The following ZNF33A variants were observed in gnomAD, a reference collection of about 807,000 sequenced individuals.
The protein encoded by ZNF33A is zinc finger protein 33A.
In ZNF33A, 9 loss-of-function variants were observed where a neutral mutation model predicts 15.9. That is an observed-to-expected ratio of 0.57 (90% confidence interval 0.34 to 0.99). The LOEUF is 0.99. Among genes scored for constraint, ZNF33A ranks in the 50% least tolerant of loss-of-function variants. The pLI, the probability that ZNF33A is intolerant of heterozygous loss-of-function variation, is 0.02. For missense variants in ZNF33A, 843 were observed against 941.6 expected (o/e 0.90, Z 1.37); for synonymous variants, 294 against 324.2 (o/e 0.91, Z 1.00).
chr10:38,012,495 C>G, intron 2 of ZNF33A, 145 bp downstream of exon 2: 2 of 994,448 alleles, frequency 2.0e-6, no homozygotes, highest in Non-Finnish European at 2.9e-6. Context: ...ACAATGTCCC[C>G]ATCTCGGTTC....
In ZNF33A at chr10:38,040,756, T is replaced by C. The variant is rs190677990; in HGVS notation, c.251-13619T>C. Among the ~76,000 whole-genome samples the C allele has an allele frequency of 2.9e-3, 435 of 152,316 alleles. 1 individual carries two copies. The highest frequency in any genetic ancestry group is 4.7e-3 in the Non-Finnish European group (320 of 68,016). Reference sequence around the variant, plus strand: ...CAACCTGAGAATTGTTGCTTTTTGATTGGATTTTCAAATCATTCCCTTTTT... The same window carrying C: ...CAACCTGAGAATTGTTGCTTTTTGACTGGATTTTCAAATCATTCCCTTTTT... On this transcript the variant is annotated intron_variant, in intron 4 of 4. Transcript: ENST00000432900.
chr10:38,024,163 C>CCAAAA (rs1554902706), intron 4 of ZNF33A, among the ~76,000 whole-genome samples: 1 of 93,218 alleles, frequency 1.1e-5, no homozygotes. Flanking sequence ...AAAAACAAAA[C>CCAAAA]AAAAAAAAAA....
At chr10:38,051,813 G>A (rs2066220881) in intron 4 of ZNF33A, among the ~76,000 whole-genome samples, 1 of 151,130 alleles carries the variant, frequency 6.6e-6, no homozygotes, top group East Asian at 1.9e-4. Flanking sequence ...TTTTGCACTG[G>A]CCCCATCAAT....
intron 2 of ZNF33A, among the ~76,000 whole-genome samples, chr10:38,013,404 C>T (rs1469835090): frequency 2.6e-5 from 4 of 151,612 alleles, no homozygotes; most frequent in Non-Finnish European, 4.4e-5. Context: ...CCACTGCACC[C>T]AGCCGGTAAA....
intron 4 of ZNF33A, among the ~76,000 whole-genome samples, chr10:38,034,464 T>C (rs1263598247): frequency 6.6e-6 from 1 of 152,192 alleles, no homozygotes; most frequent in East Asian, 1.9e-4. Flanking sequence ...ACTGGGATTA[T>C]AGGTTTTGGG....
At chr10:38,018,006 A>G (rs780760916) in intron 4 of ZNF33A, among the ~76,000 whole-genome samples, 3 of 152,198 alleles carry the variant, frequency 2.0e-5, no homozygotes, top group Non-Finnish European at 2.9e-5. Context: ...AGGCAGGAGA[A>G]TCACTTGAAC....
chr10:38,033,351 G>T (rs1166520479), intron 4 of ZNF33A, among the ~76,000 whole-genome samples: 1 of 152,158 alleles, frequency 6.6e-6, no homozygotes, highest in African/African-American at 2.4e-5. Context: ...GTATCCATTT[G>T]TCAGTGGATG....
chr10:38,044,543 C>T (rs1037223484), intron 4 of ZNF33A, among the ~76,000 whole-genome samples: 1 of 152,046 alleles, frequency 6.6e-6, no homozygotes, highest in African/African-American at 2.4e-5. Flanking sequence ...GTGAGTTTTC[C>T]ATTGCAGTTA....
chr10:38,017,773 T>G (rs1359985822), intron 4 of ZNF33A: 1 of 177,376 alleles, frequency 5.6e-6, no homozygotes, highest in Non-Finnish European at 1.2e-5. Flanking sequence ...GCAAATAATG[T>G]TTGCATACTT....
chr10:38,027,769 A>G (rs1192807975), intron 4 of ZNF33A, among the ~76,000 whole-genome samples: 1 of 152,140 alleles, frequency 6.6e-6, no homozygotes, highest in Non-Finnish European at 1.5e-5. Flanking sequence ...TATCTTATTG[A>G]TGGAACGACC....
intron 4 of ZNF33A, among the ~76,000 whole-genome samples, chr10:38,045,347 T>C (rs1483450256): frequency 6.6e-6 from 1 of 152,192 alleles, no homozygotes; most frequent in Non-Finnish European, 1.5e-5. Flanking sequence ...CTTTCTGTGA[T>C]TGCTGTGTTA....
intron 4 of ZNF33A, among the ~76,000 whole-genome samples, chr10:38,039,118 G>GT (rs1390944523): frequency 6.6e-6 from 1 of 150,888 alleles, no homozygotes; most frequent in Non-Finnish European, 1.5e-5. Flanking sequence ...TTTTCTTGGA[G>GT]TTTTTGAGTA....
chr10:38,056,718 G>A lies in ZNF33A; in HGVS notation c.*158G>A, dbSNP rs1477337126. The stretch of plus-strand genomic sequence containing the variant: ...CACCTTACAGATTTTTTTTGAATTT[G>A]TGAAAGTTTTTGGCAAAAATGCAAA... On this transcript the variant is annotated 3_prime_UTR_variant, in exon 5 of 5. Transcript: ENST00000432900. The A allele has an allele frequency of 7.2e-6, 9 of 1,250,034 alleles. No homozygotes were observed. Among genetic ancestry groups the A allele is most frequent in the African/African-American group, 3.1e-5 (2 of 64,642 alleles). The allele number at this position is 1,250,034 out of a possible 1,614,324, so 77.4% of individuals were successfully genotyped here. A position where few individuals can be genotyped will look rare whatever the true frequency, so the allele number is the denominator to read the frequency against.
chr10:38,012,433 T>TG, intron 2 of ZNF33A, 83 bp downstream of exon 2: 1 of 1,489,152 alleles, frequency 6.7e-7, no homozygotes, highest in Non-Finnish European at 9.1e-7. Flanking sequence ...TTGTTTTTTT[T>TG]TTTTTTTTTT....
At chr10:38,011,730 C>G (rs1037274871) in intron 1 of ZNF33A, among the ~76,000 whole-genome samples, 1 of 152,192 alleles carries the variant, frequency 6.6e-6, no homozygotes, top group African/African-American at 2.4e-5. Flanking sequence ...TAAGCCAGTA[C>G]TGTCTACTTT....
At chr10:38,029,256 C>T (rs1449815918) in intron 4 of ZNF33A, among the ~76,000 whole-genome samples, 2 of 152,158 alleles carry the variant, frequency 1.3e-5, no homozygotes, top group Non-Finnish European at 2.9e-5. Context: ...ACAAACTCTT[C>T]AGCATTTGTT....
Position 38,030,571 on chromosome 10 carries a change from G to A in ZNF33A, c.250+13185G>A, listed in dbSNP as rs539993155. 9.2e-5 allele frequency among the ~76,000 whole-genome samples: 14 copies of A among 152,306 alleles called. No individual in the cohort carries two copies. The South Asian group carries it at 2.7e-3, about 29-fold the overall frequency. On this transcript the variant is annotated intron_variant, in intron 4 of 4. Coordinates refer to ENST00000432900, the MANE Select transcript of ZNF33A (RefSeq NM_006954.2). The stretch of plus-strand genomic sequence containing the variant: ...TGGTTTGGATATCAAAACTGGTAAT[G>A]ATATTAAGAGTGTAAAAAGGAGTTT...
intron 2 of ZNF33A, among the ~76,000 whole-genome samples, chr10:38,013,197 G>A (rs1186697069): frequency 6.6e-6 from 1 of 152,050 alleles, no homozygotes; most frequent in Non-Finnish European, 1.5e-5. Flanking sequence ...TGAAACTTCT[G>A]CCTCCCGGGT....
chr10:38,045,397 C>T (rs1176200583), intron 4 of ZNF33A, among the ~76,000 whole-genome samples: 1 of 152,060 alleles, frequency 6.6e-6, no homozygotes, highest in African/African-American at 2.4e-5. Flanking sequence ...TGCTGATAGC[C>T]GCTACTGATT....
Sources: allele counts gnomAD v4.1 joint callset (sites outside exome capture counted in the v4.1 genomes callset), GRCh38; gene constraint gnomAD v4.1.1; transcripts MANE v1.5; gene names NCBI Gene and HGNC (gene_info 2026-07-23, HGNC 2026-07-21).